Variants in FAM178B observed in about 807,000 individuals in gnomAD.
FAM178B encodes protein FAM178B.
In FAM178B, 82 loss-of-function variants were observed where a neutral mutation model predicts 91.7. That is an observed-to-expected ratio of 0.89 (90% confidence interval 0.75 to 1.07). FAM178B has a LOEUF of 1.07. Ranked by LOEUF, FAM178B falls within the 50% of genes least tolerant of loss-of-function variation. The pLI, the probability that FAM178B is intolerant of heterozygous loss-of-function variation, is 0.00. For missense variants in FAM178B, 769 were observed against 846.7 expected, an observed-to-expected ratio of 0.91 and a Z score of 1.14; for synonymous variants, 368 against 359.4, an observed-to-expected ratio of 1.02 and a Z score of -0.27.
rs1305687556 is a variant in FAM178B at position 96,880,627 on chromosome 2, C to T, written c.1777-2134G>A. Among the ~76,000 whole-genome samples the T allele has an allele frequency of 6.6e-5, 10 of 151,930 alleles. 1 individual carries two copies. Among genetic ancestry groups the T allele is most frequent in the Admixed American group, 6.5e-4 (10 of 15,272 alleles). ...TTTTTTTTTTTGAGACGGAGTCTCGCTCTGTTGCCCAGGCTGTAGTGCAGT... is the reference window on the plus strand; with the variant it reads ...TTTTTTTTTTTGAGACGGAGTCTCGTTCTGTTGCCCAGGCTGTAGTGCAGT... On this transcript the variant is annotated intron_variant, in intron 14 of 16. Transcript: ENST00000490605.
intron 5 of FAM178B, among the ~76,000 whole-genome samples, chr2:96,961,910 C>T (rs1472490220): frequency 6.6e-6 from 1 of 152,220 alleles, no homozygotes; most frequent in Non-Finnish European, 1.5e-5. Context: ...GGAAGCATCT[C>T]ACCAAACCAC....
intron 12 of FAM178B, among the ~76,000 whole-genome samples, chr2:96,908,243 C>T (rs1409199569): frequency 6.6e-6 from 1 of 152,244 alleles, no homozygotes; most frequent in Non-Finnish European, 1.5e-5. Flanking sequence ...CAGTCGGCCA[C>T]AGACCCAGAC....
intron 12 of FAM178B, among the ~76,000 whole-genome samples, chr2:96,918,240 G>A (rs2081275407): frequency 6.7e-6 from 1 of 149,756 alleles, no homozygotes; most frequent in Non-Finnish European, 1.5e-5. Context: ...ATTTAAAAAG[G>A]ACAATCTATA....
At chr2:96,887,941 C>T (rs1211238124) in intron 14 of FAM178B, among the ~76,000 whole-genome samples, 2 of 152,102 alleles carry the variant, frequency 1.3e-5, no homozygotes, top group African/African-American at 4.8e-5. Flanking sequence ...TGCAAGCCTG[C>T]CTCCGCAGCT....
intron 12 of FAM178B, among the ~76,000 whole-genome samples, chr2:96,910,447 A>G (rs767562787): frequency 2.6e-5 from 4 of 152,210 alleles, no homozygotes; most frequent in African/African-American, 7.2e-5. Flanking sequence ...GTTCTCCTTG[A>G]CAAAGACGGC....
chr2:96,900,393 C>T (rs779323617), intron 13 of FAM178B, among the ~76,000 whole-genome samples: 3 of 152,154 alleles, frequency 2.0e-5, no homozygotes, highest in Admixed American at 2.0e-4. Flanking sequence ...CACCTGGGTG[C>T]CTGTCCCTTC....
intron 8 of FAM178B, among the ~76,000 whole-genome samples, chr2:96,931,526 A>C (rs753412531): frequency 1.3e-5 from 2 of 152,220 alleles, no homozygotes; most frequent in Non-Finnish European, 2.9e-5. Flanking sequence ...AGAGACAGAA[A>C]AGACGGAGGC....
Position 96,919,291 on chromosome 2 carries a change from G to C in FAM178B, c.1562+1874C>G, listed in dbSNP as rs561378394. ...AAACTGGCTGGACGAGGTGGATGAG[G>C]GGGCCTAGGGACCAGCCTAAGAATT... On this transcript the variant is annotated intron_variant, in intron 12 of 16. Coordinates refer to ENST00000490605, the MANE Select transcript of FAM178B (RefSeq NM_001122646.3). 1.3e-4 allele frequency among the ~76,000 whole-genome samples: 20 copies of C among 152,312 alleles called. No homozygotes were observed. In the South Asian group the frequency reaches 3.9e-3, roughly 30 times the overall value.
intron 4 of FAM178B, among the ~76,000 whole-genome samples, chr2:96,969,688 C>T (rs1035251874): frequency 5.5e-4 from 84 of 152,226 alleles, no homozygotes; most frequent in African/African-American, 1.9e-3. Context: ...AGGCATGGTC[C>T]CTTCCCTAAC....
intron 4 of FAM178B, among the ~76,000 whole-genome samples, chr2:96,970,480 G>A (rs1205146750): frequency 6.6e-6 from 1 of 152,216 alleles, no homozygotes; most frequent in East Asian, 1.9e-4. Flanking sequence ...ATGGAGCCAA[G>A]GTGGAGAGGG....
chr2:96,977,932 G>C, intron 1 of FAM178B: 1 of 440,768 alleles, frequency 2.3e-6, no homozygotes, highest in Non-Finnish European at 4.5e-6. Context: ...GCAGTTCATC[G>C]CTGGAGGGTG....
At chr2:96,971,786 T>G in intron 3 of FAM178B, 115 bp downstream of exon 3, 1 of 1,048,504 alleles carries the variant, frequency 9.5e-7, no homozygotes. Flanking sequence ...AGGTGAAGTG[T>G]CCGAGGAAGA....
intron 12 of FAM178B, among the ~76,000 whole-genome samples, chr2:96,919,757 G>A (rs2081301899): frequency 1.3e-5 from 2 of 152,186 alleles, no homozygotes; most frequent in African/African-American, 2.4e-5. Context: ...AGAGCTTCCA[G>A]AAGTCCCATT....
intron 14 of FAM178B, among the ~76,000 whole-genome samples, chr2:96,885,155 T>C (rs1448998158): frequency 6.6e-6 from 1 of 152,122 alleles, no homozygotes; most frequent in Non-Finnish European, 1.5e-5. Flanking sequence ...CCATTTAGGG[T>C]TAATGGGAGA....
chr2:96,975,914 A>C (rs1329355178), intron 1 of FAM178B, among the ~76,000 whole-genome samples: 1 of 152,134 alleles, frequency 6.6e-6, no homozygotes, highest in African/African-American at 2.4e-5. Context: ...CGCCCGATCT[A>C]ATATACTACT....
intron 12 of FAM178B, among the ~76,000 whole-genome samples, chr2:96,915,507 G>A (rs994879352): frequency 5.3e-5 from 8 of 151,964 alleles, no homozygotes; most frequent in African/African-American, 9.7e-5. Flanking sequence ...CTTGGAGGCC[G>A]ACAGGGTCTT....
intron 14 of FAM178B, among the ~76,000 whole-genome samples, chr2:96,880,272 G>A (rs1159266940): frequency 6.6e-6 from 1 of 151,968 alleles, no homozygotes; most frequent in African/African-American, 2.4e-5. Flanking sequence ...GCAGAGGAGG[G>A]CTGATGACAG....
In FAM178B at chr2:96,925,883, C is replaced by G. The variant is rs143951863; in HGVS notation, c.1194-2300G>C. 1.8e-4 allele frequency among the ~76,000 whole-genome samples: 28 copies of G among 152,340 alleles called. No homozygotes were observed. In the East Asian group the frequency reaches 4.6e-3, roughly 25 times the overall value. On this transcript the variant is annotated intron_variant, in intron 9 of 16. Coordinates refer to ENST00000490605, the MANE Select transcript of FAM178B (RefSeq NM_001122646.3). ...AGATGGCAGGTACAGTGTATGAGCA[C>G]CACTACCACCTTAACCAAGAGCTGC...
At chr2:96,911,440 C>T (rs753412282) in intron 12 of FAM178B, among the ~76,000 whole-genome samples, 11 of 152,150 alleles carry the variant, frequency 7.2e-5, no homozygotes, top group African/African-American at 1.7e-4. Context: ...TTCTAGGACG[C>T]GGCAAAAGCG....
Sources: allele counts gnomAD v4.1 joint callset (sites outside exome capture counted in the v4.1 genomes callset), GRCh38; gene constraint gnomAD v4.1.1; transcripts MANE v1.5; gene names NCBI Gene and HGNC (gene_info 2026-07-23, HGNC 2026-07-21).